WIPF1: variants seen among roughly 807,000 people sequenced by gnomAD.
WIPF1 encodes the protein WAS/WASL interacting protein family member 1.
WIPF1 carries 13 observed loss-of-function variants against 35.4 expected under a neutral mutation model. The ratio of observed to expected loss-of-function variants is 0.37; its 90% CI spans 0.24 to 0.58. The LOEUF (loss-of-function observed/expected upper bound fraction) is 0.58, where lower values mean the gene tolerates loss of function less well. Ranked by LOEUF, WIPF1 falls within the 20% of genes least tolerant of loss-of-function variation. The pLI, the probability that WIPF1 is intolerant of heterozygous loss-of-function variation, is 0.74. For synonymous variants in WIPF1, 267 were observed against 266.3 expected, an observed-to-expected ratio of 1.00 and a Z score of -0.02; for missense variants, 591 against 667.0, an observed-to-expected ratio of 0.89 and a Z score of 1.25.
intron 1 of WIPF1, among the ~76,000 whole-genome samples, chr2:174,633,358 T>TG (rs140930285): frequency 0.023 from 3,439 of 152,312 alleles, 123 homozygotes; most frequent in African/African-American, 0.076. Context: ...TACAACACTT[T>TG]GGGCTAGAAT....
chr2:174,642,639 G>A lies in WIPF1; in HGVS notation c.-39+40135C>T, dbSNP rs532025337. On this transcript the variant is annotated intron_variant, in intron 1 of 8. Transcript: ENST00000272746. ...TGGGATTACAGGCATGAGCCGCCGC[G>A]CCCGGCCTTTTTTGTTGTTGTTGTT... 5.4e-5 allele frequency among the ~76,000 whole-genome samples: 8 copies of A among 149,080 alleles called. No homozygotes were observed. In the East Asian group the frequency reaches 1.2e-3, roughly 22 times the overall value.
At chr2:174,668,535 C>T (rs1687941210) in intron 1 of WIPF1, among the ~76,000 whole-genome samples, 1 of 152,172 alleles carries the variant, frequency 6.6e-6, no homozygotes, top group Non-Finnish European at 1.5e-5. Flanking sequence ...ATTTGTGACA[C>T]TCTAGGAAGA....
intron 2 of WIPF1, among the ~76,000 whole-genome samples, chr2:174,581,673 T>C (rs1022991640): frequency 6.6e-6 from 1 of 152,190 alleles, no homozygotes; most frequent in Non-Finnish European, 1.5e-5. Context: ...CAGTCCTTGA[T>C]TAAAGTCTCT....
rs570968722 is a variant in WIPF1 at position 174,657,119 on chromosome 2, T to C, written c.-39+25655A>G. Among the ~76,000 whole-genome samples the C allele has an allele frequency of 4.6e-5, 7 of 152,368 alleles. No individual in the cohort carries two copies. In the South Asian group the frequency reaches 6.2e-4, roughly 14 times the overall value. ...ATGAGAAGACAGACTGCTACATTTA[T>C]ACTGGCTTGATGGAATCTTGGATTG... On this transcript the variant is annotated intron_variant, in intron 1 of 8. Transcript: ENST00000272746.
intron 1 of WIPF1, among the ~76,000 whole-genome samples, chr2:174,609,836 C>T (rs1686288889): frequency 6.6e-6 from 1 of 152,198 alleles, no homozygotes; most frequent in African/African-American, 2.4e-5. Flanking sequence ...GACGATTCTG[C>T]TCATCCAGCC....
At chr2:174,673,655 C>G (rs1688067040) in intron 1 of WIPF1, 1 of 152,274 alleles carries the variant, frequency 6.6e-6, no homozygotes, top group Admixed American at 6.5e-5. Context: ...TGGCTTGTTT[C>G]TATCCTGGAC....
In WIPF1 at chr2:174,595,490, G is replaced by A. The variant is rs141283923; in HGVS notation, c.-39+2111C>T. Among the ~76,000 whole-genome samples, 89 of 152,126 alleles carry A rather than the reference G, an allele frequency of 5.9e-4. 1 individual carries two copies. The highest frequency in any genetic ancestry group is 4.7e-4 in the Non-Finnish European group (32 of 67,992). The stretch of plus-strand genomic sequence containing the variant: ...TCAAAATAATAGCACCTACTTAGTA[G>A]GGTTATTCAAGAGTTAAATGAAGGA... On this transcript the variant is annotated intron_variant, in intron 1 of 7. Coordinates refer to ENST00000679041, the MANE Select transcript of WIPF1 (RefSeq NM_001375834.1).
At position 174,662,522 on chromosome 2, in the gene WIPF1, T is replaced by C. The variant is rs74341902; in HGVS notation, c.-39+20252A>G. On this transcript the variant is annotated intron_variant, in intron 1 of 8. Transcript: ENST00000272746. ...GTCATATACACAGTTTAGTTTACTA[T>C]GTACAGAATTACAACTATGTCCAAC... Among the ~76,000 whole-genome samples the C allele has an allele frequency of 8.3e-3, 1,262 of 152,354 alleles. 21 individuals are homozygous for C. Among genetic ancestry groups the C allele is most frequent in the African/African-American group, 0.029 (1,209 of 41,574 alleles).
At chr2:174,583,677 C>T (rs1345160865) in intron 2 of WIPF1, among the ~76,000 whole-genome samples, 2 of 152,152 alleles carry the variant, frequency 1.3e-5, no homozygotes, top group Non-Finnish European at 2.9e-5. Flanking sequence ...TCTTCTCATA[C>T]CACCTGTGTT....
chr2:174,663,530 C>T lies in WIPF1; in HGVS notation c.-39+19244G>A, dbSNP rs999611797. On this transcript the variant is annotated intron_variant, in intron 1 of 8. Coordinates refer to the WIPF1 transcript ENST00000272746. ...GCCTGAAGTTTCCTGGGGAAAAAGG[C>T]AAAGTGGCCTTTGGCCTCAGGAGAG... 1.1e-4 allele frequency among the ~76,000 whole-genome samples: 16 copies of T among 145,002 alleles called. No individual in the cohort carries two copies. In the Admixed American group the frequency reaches 1.2e-3, roughly 11 times the overall value.
At chr2:174,601,642 G>T (rs1369573180), upstream of WIPF1, among the ~76,000 whole-genome samples, 1 of 152,268 alleles carries the variant, frequency 6.6e-6, no homozygotes, top group African/African-American at 2.4e-5. Context: ...GGTGCTGGAT[G>T]TAACAGTGCT....
At chr2:174,588,823 G>A (rs1320320565) in intron 1 of WIPF1, among the ~76,000 whole-genome samples, 1 of 152,314 alleles carries the variant, frequency 6.6e-6, no homozygotes, top group Admixed American at 6.5e-5. Context: ...GAGGGTCTAC[G>A]GGTGAGGGCT....
chr2:174,580,457 T>C (rs1685198553), intron 3 of WIPF1, among the ~76,000 whole-genome samples: 1 of 152,220 alleles, frequency 6.6e-6, no homozygotes, highest in South Asian at 2.1e-4. Flanking sequence ...TCCTTTACTT[T>C]GCAAAGATTC....
chr2:174,577,526 C>T (rs1014021695), intron 3 of WIPF1, among the ~76,000 whole-genome samples: 4 of 152,068 alleles, frequency 2.6e-5, no homozygotes, highest in Non-Finnish European at 4.4e-5. Context: ...TTTAGGTTTA[C>T]AAGAATTTAT....
intron 1 of WIPF1, among the ~76,000 whole-genome samples, chr2:174,613,581 G>A (rs1686417410): frequency 6.6e-6 from 1 of 152,166 alleles, no homozygotes; most frequent in Admixed American, 6.5e-5. Context: ...AAATTAGACA[G>A]GCAGATGCTT....
intron 3 of WIPF1, among the ~76,000 whole-genome samples, chr2:174,577,435 G>A (rs1031101132): frequency 1.3e-5 from 2 of 152,048 alleles, no homozygotes; most frequent in Non-Finnish European, 2.9e-5. Flanking sequence ...GAATCCCTCT[G>A]ATATTTCAAA....
At chr2:174,602,688 AG>A (rs1274704870), upstream of WIPF1, among the ~76,000 whole-genome samples, 3 of 152,252 alleles carry the variant, frequency 2.0e-5, no homozygotes, top group Admixed American at 1.3e-4. Flanking sequence ...AGCTACATAC[AG>A]GGTTGATCAT....
chr2:174,560,388 A>G lies in WIPF1; in HGVS notation c.*2159T>C, dbSNP rs1204278508. ...AATTGTCCAATTCTTACTACCCCTT[A>G]TAAAATTCAGACCCACTTTCTCTGA... On this transcript the variant is annotated 3_prime_UTR_variant, in exon 8 of 8. Coordinates refer to ENST00000679041, the MANE Select transcript of WIPF1 (RefSeq NM_001375834.1). The G allele has an allele frequency of 6.6e-6, 1 of 152,598 alleles. No homozygotes were observed. The highest frequency in any genetic ancestry group is 2.4e-5 in the African/African-American group (1 of 41,446). The allele number at this position is 152,598 out of a possible 1,614,324, so 9.5% of individuals were successfully genotyped here.
chr2:174,647,882 A>G (rs947920980), intron 1 of WIPF1, among the ~76,000 whole-genome samples: 1 of 152,244 alleles, frequency 6.6e-6, no homozygotes, highest in Admixed American at 6.5e-5. Context: ...AGAAGAACCT[A>G]GATTAAAGAG....
Sources: allele counts gnomAD v4.1 joint callset (sites outside exome capture counted in the v4.1 genomes callset), GRCh38; gene constraint gnomAD v4.1.1; transcripts MANE v1.5; gene names NCBI Gene and HGNC (gene_info 2026-07-23, HGNC 2026-07-21).